The following PRDM13 variants were observed in gnomAD, a reference collection of about 807,000 sequenced individuals.
PRDM13 encodes the protein PR domain zinc finger protein 13.
In PRDM13, 15 loss-of-function variants were observed where a neutral mutation model predicts 36.4. That is an observed-to-expected ratio of 0.41 (90% CI 0.28 to 0.64). The LOEUF (loss-of-function observed/expected upper bound fraction) is 0.64. PRDM13 is among the 30% of genes least tolerant of loss of function. The pLI is 0.29. For synonymous variants in PRDM13, 531 were observed against 467.7 expected (o/e 1.14, Z -1.75); for missense variants, 1,044 against 1,013.5 (o/e 1.03, Z -0.41).
In PRDM13 at chr6:99,614,865, C is replaced by G; in HGVS notation, c.*106C>G. The G allele has an allele frequency of 5.6e-6, 8 of 1,417,098 alleles. No individual in the cohort carries two copies. Among genetic ancestry groups the G allele is most frequent in the Non-Finnish European group, 7.5e-6 (8 of 1,065,586 alleles). The allele number at this position is 1,417,098 out of a possible 1,614,324, so 87.8% of individuals were successfully genotyped here. On this transcript the variant is annotated 3_prime_UTR_variant, in exon 4 of 4. Coordinates refer to ENST00000369215, the MANE Select transcript of PRDM13 (RefSeq NM_021620.4). ...GGGAAGAGGGACCCAATGGACAAAA[C>G]CGTTTTTGTTTTTGAGAGGGCGCCA...
Position 99,614,982 on chromosome 6 carries a change from G to C in PRDM13, c.*223G>C. On this transcript the variant is annotated 3_prime_UTR_variant, in exon 4 of 4. Transcript: ENST00000369215. ...AAATCTGGCCACCTGGAGAGCTCGA[G>C]TGCCACCAGTACCTCCGCACCCCGG... 1.6e-6 allele frequency: 1 copy of C among 630,868 alleles called. No homozygotes were observed. The highest frequency in any genetic ancestry group is 2.6e-6 in the Non-Finnish European group (1 of 379,990). 39.1% of individuals were successfully genotyped at this position (630,868 alleles called of 1,614,324 possible).
In PRDM13 at chr6:99,613,536, G is replaced by A. The variant is rs1396225280; in HGVS notation, c.901G>A (p.Ala301Thr). 6.7e-7 allele frequency: 1 copy of A among 1,497,226 alleles called. No individual in the cohort carries two copies. Among genetic ancestry groups the A allele is most frequent in the South Asian group, 1.3e-5 (1 of 79,462 alleles). 92.7% of individuals were successfully genotyped at this position (1,497,226 alleles called of 1,614,324 possible). A position where few individuals can be genotyped will look rare whatever the true frequency, so the allele number is the denominator to read the frequency against. ...CTCAGCTTTCAAGCCCGCCGGCCTA[G>A]CGAGGGCGGCGGCGGCCGCTCACGG... ...VRSAFKPAGL[A>T]RAAAAAHGDP... Residue 301 changes from alanine (A) to threonine (T), a missense_variant, in exon 4 of 4, where the codon GCG becomes ACG. Coordinates refer to ENST00000369215, the MANE Select transcript of PRDM13 (RefSeq NM_021620.4). This position sits in a 1 kb window ranked among gnomAD's most constrained non-coding sequence, Gnocchi z 6.1.
Position 99,613,005 on chromosome 6 carries a change from G to A in PRDM13, c.398-28G>A, listed in dbSNP as rs767989322. On this transcript the variant is annotated intron_variant, in intron 3 of 3. Coordinates refer to ENST00000369215, the MANE Select transcript of PRDM13 (RefSeq NM_021620.4). This position sits in a 1 kb window ranked among gnomAD's most constrained non-coding sequence, Gnocchi z 6.1. Reference sequence around the variant, plus strand: ...TGTCTCGCTTGTTCGCCTCTCACCGGGTCGCTTTTCCATTCTTTCTTGCCC... The same window carrying A: ...TGTCTCGCTTGTTCGCCTCTCACCGAGTCGCTTTTCCATTCTTTCTTGCCC... 11 of 1,611,518 alleles carry A rather than the reference G, an allele frequency of 6.8e-6. No individual in the cohort carries two copies. The South Asian group carries it at 1.1e-4, about 16-fold the overall frequency.
intron 1 of PRDM13, 81 bp downstream of exon 1, chr6:99,607,259 A>C (rs1015913805): frequency 8.4e-5 from 132 of 1,562,896 alleles, no homozygotes; most frequent in Admixed American, 8.1e-4. Flanking sequence ...GAGAAAGTGG[A>C]GGAAGGGAGT....
Position 99,608,879 on chromosome 6 carries a change from C to A in PRDM13, c.276+7C>A. 6.2e-7 allele frequency: 1 copy of A among 1,609,192 alleles called. No individual in the cohort carries two copies. The highest frequency in any genetic ancestry group is 8.5e-7 in the Non-Finnish European group (1 of 1,177,594). ...AGACTTACCCGGAGGACAGGTACTG[C>A]GGGCTTCTCTCCACACCCCCCCACT... On this transcript the variant is annotated splice_region_variant and intron_variant, in intron 2 of 3. Transcript: ENST00000369215.
Position 99,613,113 on chromosome 6 carries a change from T to G in PRDM13, c.478T>G (p.Cys160Gly), listed in dbSNP as rs1770055498. ...CCTTAAGGCACACCTGCGTTTCCAC[T>G]GCGTGTTCAGCGGCGGTGGAGGCGG... The part of the protein sequence containing the change: ...NSLKAHLRFH[C>G]VFSGGGGGAF... Residue 160 changes from cysteine (C) to glycine (G), a missense_variant, in exon 4 of 4, where the codon TGC becomes GGC. Transcript: ENST00000369215. This position sits in a 1 kb window ranked among gnomAD's most constrained non-coding sequence, Gnocchi z 6.1. 2 of 1,610,088 alleles carry G rather than the reference T, an allele frequency of 1.2e-6. No individual in the cohort carries two copies. Among genetic ancestry groups the G allele is most frequent in the Non-Finnish European group, 1.7e-6 (2 of 1,177,858 alleles).
chr6:99,614,620 C>A lies in PRDM13; in HGVS notation c.1985C>A (p.Ala662Glu). ...CCTGGCCAGAGTCTGCTCGCCAAAG[C>A]GGGCGACGGCCCGGGTGCCGAGCCC... ...RHPGQSLLAKAGDGPGAEPGY... is the reference protein window; with the variant it reads ...RHPGQSLLAKEGDGPGAEPGY... Residue 662 changes from alanine to glutamate, a missense_variant, in exon 4 of 4, where the codon GCG becomes GAG. Physicochemically the swap from Ala to Glu is moderately radical, Grantham distance 107. Around this residue, in one of 3 missense-constraint regions of PRDM13, gnomAD observed 115 missense variants for 122.1 expected, o/e 0.94. Coordinates refer to ENST00000369215, the MANE Select transcript of PRDM13 (RefSeq NM_021620.4). 6.2e-7 allele frequency: 1 copy of A among 1,612,404 alleles called. No homozygotes were observed. Among genetic ancestry groups the A allele is most frequent in the Non-Finnish European group, 8.5e-7 (1 of 1,179,770 alleles).
chr6:99,612,690 G>C (rs1344753378), intron 3 of PRDM13, among the ~76,000 whole-genome samples: 1 of 152,176 alleles, frequency 6.6e-6, no homozygotes, highest in African/African-American at 2.4e-5. Flanking sequence ...CTCAACACTT[G>C]ATTTAAAGCA....
In PRDM13 at chr6:99,613,145, C is replaced by T. The variant is rs1475867870; in HGVS notation, c.510C>T (p.Phe170=). The T allele has an allele frequency of 6.2e-7, 1 of 1,613,168 alleles. No homozygotes were observed. Among genetic ancestry groups the T allele is most frequent in the South Asian group, 1.1e-5 (1 of 91,080 alleles). ...CVFSGGGGGA[F]LHHEHAARQG... ...TCAGCGGCGGTGGAGGCGGCGCCTT[C>T]CTGCACCACGAACACGCGGCTCGCC... Residue 170 remains phenylalanine (F), a synonymous_variant, in exon 4 of 4, where the codon TTC becomes TTT. Coordinates refer to ENST00000369215, the MANE Select transcript of PRDM13 (RefSeq NM_021620.4). The surrounding 1 kb of genome is among the most constrained non-coding windows in gnomAD (Gnocchi z 6.1).
Position 99,614,430 on chromosome 6 carries a change from A to C in PRDM13, c.1795A>C (p.Lys599Gln). ...CCACATGCGGACGCACACGGGCTACAAGCCACTCAAGTGCAAAGTCTGTCT... is the reference window on the plus strand; with the variant it reads ...CCACATGCGGACGCACACGGGCTACCAGCCACTCAAGTGCAAAGTCTGTCT... ...KIHMRTHTGYKPLKCKVCLRP... is the reference protein window; with the variant it reads ...KIHMRTHTGYQPLKCKVCLRP... The change falls in exon 4 of 4, where the codon AAG (lysine) becomes CAG (glutamine). Residue 599 changes from lysine to glutamine, a missense_variant. Lys to Gln is a moderately conservative substitution (Grantham distance 53). Coordinates refer to ENST00000369215, the MANE Select transcript of PRDM13 (RefSeq NM_021620.4). 1.2e-6 allele frequency: 2 copies of C among 1,613,626 alleles called. No homozygotes were observed. Among genetic ancestry groups the C allele is most frequent in the Non-Finnish European group, 1.7e-6 (2 of 1,180,000 alleles).
Position 99,606,897 on chromosome 6 carries a change from G to T in PRDM13, c.-138G>T. The T allele has an allele frequency of 8.3e-7, 1 of 1,205,052 alleles. No individual in the cohort carries two copies. The allele number at this position is 1,205,052 out of a possible 1,614,324, so 74.6% of individuals were successfully genotyped here. On this transcript the variant is annotated 5_prime_UTR_variant, in exon 1 of 4. It removes an upstream start codon present in the reference 5' UTR. Coordinates refer to ENST00000369215, the MANE Select transcript of PRDM13 (RefSeq NM_021620.4). ...CCCCGATTGAAAAGGCGCAGTGCAT[G>T]CCCGCCCGCGTCACTCCGCGGGCGG...
chr6:99,609,091 C>G, intron 2 of PRDM13, 96 bp from the exon 3 acceptor site: 1 of 1,479,958 alleles, frequency 6.8e-7, no homozygotes, highest in Non-Finnish European at 9.2e-7. Flanking sequence ...CAGGGTCACA[C>G]AGCATCAGAA....
At position 99,613,795 on chromosome 6, in the gene PRDM13, G is replaced by A. The variant is rs1211010646; in HGVS notation, c.1160G>A (p.Arg387His). 2 of 1,507,742 alleles carry A rather than the reference G, an allele frequency of 1.3e-6. No individual in the cohort carries two copies. The highest frequency in any genetic ancestry group is 1.8e-6 in the Non-Finnish European group (2 of 1,135,622). The allele number at this position is 1,507,742 out of a possible 1,614,324, so 93.4% of individuals were successfully genotyped here. The part of the protein sequence containing the change: ...PPGLPCSGAL[R>H]GFPLLSVPPE... ...GGCCTGCCCTGCTCTGGGGCCCTGC[G>A]CGGCTTCCCTCTGCTCTCCGTCCCC... Residue 387 changes from arginine to histidine, a missense_variant, in exon 4 of 4, where the codon CGC becomes CAC. By Grantham distance (29) the Arg-to-His change is conservative. Around this residue, in one of 3 missense-constraint regions of PRDM13, gnomAD observed 921 missense variants for 865.2 expected, o/e 1.06. Transcript: ENST00000369215. The surrounding 1 kb of genome is among the most constrained non-coding windows in gnomAD (Gnocchi z 6.1).
chr6:99,611,053 T>G (rs749903202), intron 3 of PRDM13, among the ~76,000 whole-genome samples: 1 of 152,160 alleles, frequency 6.6e-6, no homozygotes, highest in Non-Finnish European at 1.5e-5. Context: ...ACTTGTTAAA[T>G]GTATTTGATA....
intron 1 of PRDM13, 22 bp downstream of exon 1, chr6:99,607,200 G>A (rs1769960103): frequency 6.2e-7 from 1 of 1,611,112 alleles, no homozygotes; most frequent in Non-Finnish European, 8.5e-7. Context: ...TCAGACCTCT[G>A]CCCACTGCCA....
chr6:99,615,035 C>T lies in PRDM13; in HGVS notation c.*276C>T. ...CTCTGGACTTCTTGGATGAGCTCAC[C>T]CTGAACCGCCCAGGCGGTCTGCTCT... is the stretch of plus-strand genomic sequence containing the variant. On this transcript the variant is annotated 3_prime_UTR_variant, in exon 4 of 4. Coordinates refer to ENST00000369215, the MANE Select transcript of PRDM13 (RefSeq NM_021620.4). 6.0e-6 allele frequency: 3 copies of T among 497,790 alleles called. No individual in the cohort carries two copies. The highest frequency in any genetic ancestry group is 1.0e-5 in the Non-Finnish European group (3 of 285,768). 30.8% of individuals were successfully genotyped at this position (497,790 alleles called of 1,614,324 possible).
At chr6:99,609,102 TC>T (rs1448654519) in intron 2 of PRDM13, 84 bp from the exon 3 acceptor site, 28 of 1,510,680 alleles carry the variant, frequency 1.9e-5, no homozygotes, top group Non-Finnish European at 2.5e-5. Context: ...AGCATCAGAA[TC>T]CGGATTTGAA....
At position 99,614,935 on chromosome 6, in the gene PRDM13, A is replaced by G; in HGVS notation, c.*176A>G. On this transcript the variant is annotated 3_prime_UTR_variant, in exon 4 of 4. Coordinates refer to ENST00000369215, the MANE Select transcript of PRDM13 (RefSeq NM_021620.4). ...TCCCACATCTGGTGCTGAAACTCAGAGCAACAGTTCAGAGGTGGCGTAAAT... is the reference window on the plus strand; with the variant it reads ...TCCCACATCTGGTGCTGAAACTCAGGGCAACAGTTCAGAGGTGGCGTAAAT... 3 of 895,480 alleles carry G rather than the reference A, an allele frequency of 3.4e-6. No individual in the cohort carries two copies. The highest frequency in any genetic ancestry group is 4.9e-6 in the Non-Finnish European group (3 of 610,056). 55.5% of individuals were successfully genotyped at this position (895,480 alleles called of 1,614,324 possible).
chr6:99,614,291 G>A lies in PRDM13; in HGVS notation c.1656G>A (p.Ala552=). ...GGACGTTGCCACCGGCCGTCGCGGC[G>A]GCGGGAGGCACCGGGGGCGGCGGCA... is the stretch of plus-strand genomic sequence containing the variant. ...DSGTLPPAVA[A]AGGTGGGGSG... The change falls in exon 4 of 4, where the codon GCG becomes GCA. Residue 552 remains alanine (A), a synonymous_variant. Coordinates refer to ENST00000369215, the MANE Select transcript of PRDM13 (RefSeq NM_021620.4). The A allele has an allele frequency of 6.2e-7, 1 of 1,605,732 alleles. No individual in the cohort carries two copies. Among genetic ancestry groups the A allele is most frequent in the Non-Finnish European group, 8.5e-7 (1 of 1,176,464 alleles).
Sources: gnomAD v4.1 joint callset for allele counts (sites outside exome capture counted in the v4.1 genomes callset) on GRCh38, gnomAD v4.1.1 for gene constraint, gnomAD v4.1.1 regional missense constraint, Gnocchi (gnomAD v3.1) non-coding constraint, MANE v1.5 for transcripts, NCBI Gene and HGNC (gene_info 2026-07-23, HGNC 2026-07-21) for gene names.